The following PCDHA10 variants were observed in gnomAD, a reference collection of about 807,000 sequenced individuals.
The protein encoded by PCDHA10 is protocadherin alpha-10.
PCDHA10 carries 45 observed loss-of-function variants against 61.2 expected under a neutral mutation model. The ratio of observed to expected loss-of-function variants is 0.74; its 90% CI spans 0.58 to 0.94. The LOEUF (loss-of-function observed/expected upper bound fraction) is 0.94, where lower values mean the gene tolerates loss of function less well. Among genes scored for constraint, PCDHA10 ranks in the 40% least tolerant of loss-of-function variants. PCDHA10 has a pLI of 0.00. For missense variants in PCDHA10, 1,278 were observed against 1,236.2 expected (o/e 1.03, Z -0.51); for synonymous variants, 602 against 548.8 (o/e 1.10, Z -1.35).
rs201131092 is a variant in PCDHA10 at position 141,009,948 on chromosome 5, T to A, written c.*11T>A. ...AACAGTGACCAGTGAGGTCCTCAAATGGAAACAAGCCACTTAGCCAGTTTT... is the reference window on the plus strand; with the variant it reads ...AACAGTGACCAGTGAGGTCCTCAAAAGGAAACAAGCCACTTAGCCAGTTTT... On this transcript the variant is annotated 3_prime_UTR_variant, in exon 4 of 4. Coordinates refer to ENST00000307360, the MANE Select transcript of PCDHA10 (RefSeq NM_018901.4). The A allele has an allele frequency of 9.4e-6, 15 of 1,595,948 alleles. No homozygotes were observed. In the East Asian group the frequency reaches 3.4e-4, roughly 36 times the overall value.
chr5:140,892,212 T>C (rs1554185117), intron 1 of PCDHA10, among the ~76,000 whole-genome samples: 5 of 152,236 alleles, frequency 3.3e-5, no homozygotes, highest in Admixed American at 2.6e-4. Context: ...TTTAAAATTG[T>C]ATCTTTATGG....
At chr5:140,968,660 C>T in intron 1 of PCDHA10, 1 of 1,614,166 alleles carries the variant, frequency 6.2e-7, no homozygotes, top group Non-Finnish European at 8.5e-7. Flanking sequence ...TGACCTGGAC[C>T]TCTTTAAGGT....
At chr5:140,958,397 A>T (rs1306610051) in intron 1 of PCDHA10, among the ~76,000 whole-genome samples, 3 of 152,172 alleles carry the variant, frequency 2.0e-5, no homozygotes, top group African/African-American at 7.2e-5. Flanking sequence ...GTCATCAAAC[A>T]TTATCACTGA....
intron 1 of PCDHA10, chr5:140,869,717 C>A: frequency 6.2e-7 from 1 of 1,613,364 alleles, no homozygotes. Context: ...AGAGAGAAAA[C>A]TCCGGAACTT....
intron 1 of PCDHA10, chr5:140,876,328 C>T: frequency 6.2e-7 from 1 of 1,613,940 alleles, no homozygotes; most frequent in Non-Finnish European, 8.5e-7. Context: ...AATGATTTTG[C>T]CAGTGAGTGA....
At chr5:140,951,448 G>A (rs892144078) in intron 1 of PCDHA10, among the ~76,000 whole-genome samples, 74 of 152,022 alleles carry the variant, frequency 4.9e-4, no homozygotes, top group African/African-American at 1.7e-3. Context: ...GCATGATGCC[G>A]GCCATCTGCT....
At chr5:140,888,796 T>C (rs1158691492) in intron 1 of PCDHA10, among the ~76,000 whole-genome samples, 1 of 152,008 alleles carries the variant, frequency 6.6e-6, no homozygotes, top group East Asian at 1.9e-4. Context: ...TCTGGGGAGG[T>C]TGATCAGTGA....
In PCDHA10 at chr5:140,879,581, G is replaced by A. The variant is rs537126502; in HGVS notation, c.2388+21145G>A. On this transcript the variant is annotated intron_variant, in intron 1 of 3. Transcript: ENST00000307360. ...ATGAAAGAATAAAATTGCCAAGACA[G>A]ACATTGAAAAGTGAAAAACAATGTG... Among the ~76,000 whole-genome samples the A allele has an allele frequency of 2.6e-5, 4 of 152,334 alleles. No individual in the cohort carries two copies. In the East Asian group the frequency reaches 7.7e-4, roughly 29 times the overall value.
intron 1 of PCDHA10, among the ~76,000 whole-genome samples, chr5:140,978,243 C>T (rs2096793691): frequency 6.6e-6 from 1 of 152,170 alleles, no homozygotes; most frequent in South Asian, 2.1e-4. Context: ...ATTTCAGCTA[C>T]TCCCTGTTAA....
intron 1 of PCDHA10, among the ~76,000 whole-genome samples, chr5:140,963,581 G>A (rs2095775682): frequency 6.6e-6 from 1 of 152,210 alleles, no homozygotes; most frequent in Non-Finnish European, 1.5e-5. Flanking sequence ...TTCTCAAAAT[G>A]TAGGATATAG....
At chr5:141,003,432 C>T (rs1175854943) in intron 3 of PCDHA10, among the ~76,000 whole-genome samples, 1 of 152,124 alleles carries the variant, frequency 6.6e-6, no homozygotes, top group African/African-American at 2.4e-5. Context: ...ATGCCTCAGC[C>T]TCCCAAGTAG....
intron 1 of PCDHA10, chr5:140,883,607 G>A (rs782736793): frequency 6.2e-7 from 1 of 1,613,968 alleles, no homozygotes; most frequent in Non-Finnish European, 8.5e-7. Context: ...GGGGGTGGCC[G>A]ACGTGAACGA....
chr5:140,914,185 C>G (rs1183431482), intron 1 of PCDHA10, among the ~76,000 whole-genome samples: 1 of 152,130 alleles, frequency 6.6e-6, no homozygotes, highest in Non-Finnish European at 1.5e-5. Flanking sequence ...AATTCTCCAC[C>G]TATTATTGTA....
chr5:140,952,977 C>T (rs148504111), intron 1 of PCDHA10, among the ~76,000 whole-genome samples: 2 of 152,182 alleles, frequency 1.3e-5, no homozygotes, highest in East Asian at 3.9e-4. Context: ...TTTTAAACAA[C>T]AAGATCTCAT....
intron 1 of PCDHA10, among the ~76,000 whole-genome samples, chr5:140,959,659 A>G (rs1020730964): frequency 6.6e-6 from 1 of 152,250 alleles, no homozygotes; most frequent in Non-Finnish European, 1.5e-5. Context: ...AAATTGAAGA[A>G]TTTGTAAATC....
In PCDHA10 at chr5:140,993,233, G is replaced by A. The variant is rs143093605; in HGVS notation, c.2536+10670G>A. ...TTTAGCTTTTTGGTATGTTCTCTCT[G>A]AATCTGGGGATTTAGATATATAAAT... On this transcript the variant is annotated intron_variant, in intron 3 of 3. Coordinates refer to ENST00000307360, the MANE Select transcript of PCDHA10 (RefSeq NM_018901.4). Among the ~76,000 whole-genome samples the A allele has an allele frequency of 2.0e-5, 3 of 152,224 alleles. No individual in the cohort carries two copies. The East Asian group carries it at 5.8e-4, about 29-fold the overall frequency.
At position 140,857,926 on chromosome 5, in the gene PCDHA10, C is replaced by T. The variant is rs1351185942; in HGVS notation, c.1878C>T (p.Tyr626=). Residue 626 remains tyrosine, a synonymous_variant, in exon 1 of 4, where the codon TAC becomes TAT. Transcript: ENST00000307360. ...GARIPFRVGL[Y]TGEISTTRAL... ...GCATCCCGTTTCGCGTGGGGCTGTA[C>T]ACGGGCGAGATCAGTACGACGCGCG... 2 of 1,597,606 alleles carry T rather than the reference C, an allele frequency of 1.3e-6. No homozygotes were observed. Among genetic ancestry groups the T allele is most frequent in the Non-Finnish European group, 1.7e-6 (2 of 1,167,508 alleles).
intron 1 of PCDHA10, among the ~76,000 whole-genome samples, chr5:140,909,261 G>A (rs1358542746): frequency 6.6e-6 from 1 of 152,226 alleles, no homozygotes; most frequent in Admixed American, 6.5e-5. Flanking sequence ...CTTGCTGACT[G>A]AAGGCAAATT....
intron 1 of PCDHA10, chr5:140,883,942 G>A (rs1223058684): frequency 1.9e-6 from 3 of 1,613,328 alleles, no homozygotes; most frequent in African/African-American, 2.7e-5. Context: ...TGCTGGACGA[G>A]AACGACAACG....
Sources: allele counts gnomAD v4.1 joint callset (sites outside exome capture counted in the v4.1 genomes callset), GRCh38; gene constraint gnomAD v4.1.1; transcripts MANE v1.5; gene names NCBI Gene and HGNC (gene_info 2026-07-23, HGNC 2026-07-21).